The following GRID2 variants were observed in gnomAD, a reference collection of about 807,000 sequenced individuals.
GRID2 encodes the protein glutamate ionotropic receptor delta type subunit 2, also known as glutamate receptor ionotropic, delta-2.
Under a neutral mutation model 114.8 loss-of-function variants are expected in GRID2, and 33 were observed. The ratio of observed to expected loss-of-function variants is 0.29; its 90% CI spans 0.22 to 0.38. The LOEUF is 0.38. Ranked by LOEUF, GRID2 falls within the 10% of genes least tolerant of loss-of-function variation. The probability of loss-of-function intolerance (pLI) is 1.00; values close to 1 mark genes in which losing one functional copy is unlikely to be tolerated. For missense variants in GRID2, 1,184 were observed against 1,257.7 expected, an observed-to-expected ratio of 0.94 and a Z score of 0.89; for synonymous variants, 505 against 449.9, an observed-to-expected ratio of 1.12 and a Z score of -1.55.
At chr4:93,029,122 G>A (rs533255559) in intron 2 of GRID2, among the ~76,000 whole-genome samples, 1 of 152,080 alleles carries the variant, frequency 6.6e-6, no homozygotes, top group African/African-American at 2.4e-5. Context: ...ATTAAAATGA[G>A]GCATAGAGCA....
intron 2 of GRID2, among the ~76,000 whole-genome samples, chr4:92,876,335 G>A (rs1029912361): frequency 2.0e-5 from 3 of 150,668 alleles, no homozygotes; most frequent in African/African-American, 4.9e-5. Flanking sequence ...GTCTCGCTCT[G>A]TCGCCCAGGC....
chr4:92,675,854 T>C (rs1733329222), intron 2 of GRID2, among the ~76,000 whole-genome samples: 1 of 151,676 alleles, frequency 6.6e-6, no homozygotes, highest in Non-Finnish European at 1.5e-5. Flanking sequence ...ACGCCTGGCC[T>C]GAGCTACCAT....
intron 1 of GRID2, among the ~76,000 whole-genome samples, chr4:93,806,164 A>G (rs1276339507): frequency 6.6e-6 from 1 of 152,206 alleles, no homozygotes; most frequent in Non-Finnish European, 1.5e-5. Flanking sequence ...GACAAAATCA[A>G]ATTTGATTTG....
intron 1 of GRID2, among the ~76,000 whole-genome samples, chr4:92,524,407 C>CTTTTTTTTTTTTTTTTTTT (rs869060153): frequency 9.4e-6 from 1 of 106,564 alleles, no homozygotes; most frequent in African/African-American, 4.0e-5. Context: ...ATTTCCTTGT[C>CTTTTTTTTTTTTTTTTTTT]TTTTTTTTTT....
intron 2 of GRID2, among the ~76,000 whole-genome samples, chr4:92,992,417 A>G (rs1754962282): frequency 6.6e-6 from 1 of 152,144 alleles, no homozygotes; most frequent in African/African-American, 2.4e-5. Flanking sequence ...GTGTTGAATT[A>G]TTTTATATAA....
chr4:92,763,422 A>T (rs1162300551), intron 2 of GRID2, among the ~76,000 whole-genome samples: 1 of 152,192 alleles, frequency 6.6e-6, no homozygotes, highest in African/African-American at 2.4e-5. Flanking sequence ...ATTCAACCAA[A>T]TGTGGCTCAA....
At chr4:93,187,990 G>A (rs1740603237) in intron 4 of GRID2, among the ~76,000 whole-genome samples, 1 of 151,184 alleles carries the variant, frequency 6.6e-6, no homozygotes, top group Non-Finnish European at 1.5e-5. Flanking sequence ...CAGTATTGCA[G>A]CTCTCACAGG....
At chr4:92,904,602 GAAGAAAAAT>G (rs1255636470) in intron 2 of GRID2, among the ~76,000 whole-genome samples, 3 of 151,656 alleles carry the variant, frequency 2.0e-5, no homozygotes, top group Non-Finnish European at 4.4e-5. Flanking sequence ...GAGAGAAATA[GAAGAAAAAT>G]AAGAAAAATA....
intron 2 of GRID2, among the ~76,000 whole-genome samples, chr4:93,047,123 A>G (rs1323579740): frequency 6.6e-6 from 1 of 152,038 alleles, no homozygotes; most frequent in Non-Finnish European, 1.5e-5. Context: ...TACCAAAATG[A>G]AACATCCTAC....
intron 2 of GRID2, among the ~76,000 whole-genome samples, chr4:92,892,584 G>A (rs1578403161): frequency 6.6e-6 from 1 of 152,152 alleles, no homozygotes; most frequent in South Asian, 2.1e-4. Flanking sequence ...TTTGTTCACA[G>A]TGCTGGTTAA....
chr4:92,660,671 A>AT (rs1328704133), intron 2 of GRID2, among the ~76,000 whole-genome samples: 1 of 150,910 alleles, frequency 6.6e-6, no homozygotes, highest in East Asian at 1.9e-4. Flanking sequence ...CCTTCATTCC[A>AT]TTTTTTTCTT....
intron 10 of GRID2, among the ~76,000 whole-genome samples, chr4:93,429,505 C>T (rs1485023): frequency 1.3e-5 from 2 of 152,136 alleles, no homozygotes; most frequent in East Asian, 1.9e-4. Context: ...CATGACTGGT[C>T]GTTTTGGATT....
At chr4:93,801,784 A>G (rs1400938278) in intron 1 of GRID2, among the ~76,000 whole-genome samples, 1 of 152,244 alleles carries the variant, frequency 6.6e-6, no homozygotes, top group African/African-American at 2.4e-5. Context: ...ACTAACAGTA[A>G]AACAGAAACA....
chr4:93,514,008 G>T (rs1164447043), intron 12 of GRID2, among the ~76,000 whole-genome samples: 1 of 152,162 alleles, frequency 6.6e-6, no homozygotes, highest in Non-Finnish European at 1.5e-5. Flanking sequence ...GTAGAGTTCT[G>T]TGCGCATTCG....
At chr4:92,628,301 G>C (rs1473326084) in intron 2 of GRID2, among the ~76,000 whole-genome samples, 2 of 152,032 alleles carry the variant, frequency 1.3e-5, no homozygotes, top group Non-Finnish European at 2.9e-5. Context: ...GAGGGAAAAA[G>C]ATGACAGCAG....
At chr4:93,298,398 C>T (rs1436445707) in intron 8 of GRID2, among the ~76,000 whole-genome samples, 2 of 152,140 alleles carry the variant, frequency 1.3e-5, no homozygotes, top group Non-Finnish European at 2.9e-5. Flanking sequence ...TGGCTGTTCC[C>T]TCAAATGCCA....
At chr4:93,231,161 C>T (rs1746089219) in intron 7 of GRID2, among the ~76,000 whole-genome samples, 1 of 151,856 alleles carries the variant, frequency 6.6e-6, no homozygotes, top group Non-Finnish European at 1.5e-5. Flanking sequence ...GGAATAGTGC[C>T]ATGTCATTGC....
At chr4:93,029,764 C>A (rs1560809898) in intron 2 of GRID2, among the ~76,000 whole-genome samples, 2 of 151,934 alleles carry the variant, frequency 1.3e-5, no homozygotes, top group African/African-American at 4.8e-5. Flanking sequence ...ATTTAATTCA[C>A]AAAAAGCGAA....
intron 2 of GRID2, among the ~76,000 whole-genome samples, chr4:92,661,436 C>A (rs1305762338): frequency 6.6e-6 from 1 of 150,672 alleles, no homozygotes; most frequent in Non-Finnish European, 1.5e-5. Flanking sequence ...ACAGCTTTAC[C>A]ATAAGTTTTA....
Sources: allele counts gnomAD v4.1 joint callset (sites outside exome capture counted in the v4.1 genomes callset), GRCh38; gene constraint gnomAD v4.1.1; transcripts MANE v1.5; gene names NCBI Gene and HGNC (gene_info 2026-07-23, HGNC 2026-07-21).